The following FILIP1L variants were observed in gnomAD, a reference collection of about 807,000 sequenced individuals.
The protein encoded by FILIP1L is filamin A-interacting protein 1-like.
Under a neutral mutation model 96.6 loss-of-function variants are expected in FILIP1L, and 55 were observed. The observed-to-expected ratio is 0.57, with a 90% confidence interval of 0.46 to 0.71. The LOEUF is 0.71. Ranked by LOEUF, FILIP1L falls within the 30% of genes least tolerant of loss-of-function variation. The probability of loss-of-function intolerance (pLI) is 0.00; values close to 1 mark genes in which losing one functional copy is unlikely to be tolerated. For synonymous variants in FILIP1L, 467 were observed against 473.9 expected (o/e 0.99, Z 0.19); for missense variants, 1,304 against 1,321.2 (o/e 0.99, Z 0.20).
chr3:100,040,938 A>G (rs1272636181), intron 1 of FILIP1L: 3 of 152,198 alleles, frequency 2.0e-5, no homozygotes, highest in Non-Finnish European at 4.4e-5. Context: ...TTTAAAAAGA[A>G]AAAGGTTTTT....
intron 4 of FILIP1L, among the ~76,000 whole-genome samples, chr3:99,905,100 C>T (rs1706570519): frequency 6.6e-6 from 1 of 152,206 alleles, no homozygotes; most frequent in South Asian, 2.1e-4. Context: ...TCCAAGTTCT[C>T]TTTCTGTTTC....
rs1943632666 is a variant in FILIP1L, at chr3:99,850,574, T to C, written c.1102A>G (p.Ile368Val). ...ISKGEYGNAG[I>V]MAEVEELRKR... is the part of the protein sequence containing the mutation. ...CTGAGCTCTTCCACTTCAGCCATGA[T>C]ACCAGCGTTTCCATATTCTCCCTTA... is the stretch of plus-strand genomic sequence containing the variant. The change falls in exon 5 of 6, where the codon ATC becomes GTC. Residue 368 changes from isoleucine to valine, a missense_variant. Ile to Val is a conservative substitution (Grantham distance 29, BLOSUM62 3). Coordinates refer to ENST00000477258, the MANE Select transcript of FILIP1L (RefSeq NM_001387850.1). 6.2e-7 allele frequency: 1 copy of C among 1,613,920 alleles called. No individual in the cohort carries two copies. Among genetic ancestry groups the C allele is most frequent in the Non-Finnish European group, 8.5e-7 (1 of 1,180,038 alleles).
chr3:99,849,187 T>G lies in FILIP1L; in HGVS notation c.2489A>C (p.Glu830Ala), dbSNP rs1258673095. Residue 830 changes from glutamate to alanine, a missense_variant, in exon 5 of 6, where the codon GAG becomes GCG. By Grantham distance (107) the Glu-to-Ala change is moderately radical. Transcript: ENST00000477258. The stretch of plus-strand genomic sequence containing the variant: ...AGGGTCCTCGTCTTGATTCTCACTC[T>G]CCTCATATAACTGACCATTGATGAC... ...RAVINGQLYEESENQDEDPND... is the reference protein window; with the variant it reads ...RAVINGQLYEASENQDEDPND... 6.2e-7 allele frequency: 1 copy of G among 1,614,186 alleles called. No individual in the cohort carries two copies. Among genetic ancestry groups the G allele is most frequent in the Non-Finnish European group, 8.5e-7 (1 of 1,180,040 alleles).
chr3:99,910,401 G>C lies in FILIP1L; in HGVS notation c.605+13829C>G, dbSNP rs1246118979. 2.2e-5 allele frequency among the ~76,000 whole-genome samples: 3 copies of C among 136,114 alleles called. 1 individual carries two copies. The East Asian group carries it at 6.1e-4, about 28-fold the overall frequency. The allele number at this position is 136,114 out of a possible 152,430, so 89.3% of individuals were successfully genotyped here. ...TGGCAAGACTAATGTAACAAAAACAGGGTTCTGTGAGCTTTTAGAGGTGAA... is the reference window on the plus strand; with the variant it reads ...TGGCAAGACTAATGTAACAAAAACACGGTTCTGTGAGCTTTTAGAGGTGAA... On this transcript the variant is annotated intron_variant, in intron 4 of 5. Transcript: ENST00000477258.
intron 1 of FILIP1L, among the ~76,000 whole-genome samples, chr3:99,959,929 T>C (rs1481950165): frequency 6.6e-6 from 1 of 152,150 alleles, no homozygotes; most frequent in Admixed American, 6.5e-5. Flanking sequence ...AGGAGATGCA[T>C]TCAATGCATT....
rs911634747 is a variant in FILIP1L, at chr3:99,936,908, A to G, written c.-10-5878T>C. On this transcript the variant is annotated intron_variant, in intron 1 of 5. Transcript: ENST00000477258. ...TACTATGTCAAGTATTGTGCTACGC[A>G]ATTTTGTTTTAACTAGCTTATTTTC... 2.6e-5 allele frequency among the ~76,000 whole-genome samples: 4 copies of G among 152,180 alleles called. 1 individual carries two copies. Among genetic ancestry groups the G allele is most frequent in the Admixed American group, 2.6e-4 (4 of 15,278 alleles).
chr3:100,053,858 G>T (rs1263489505), intron 1 of FILIP1L, among the ~76,000 whole-genome samples: 2 of 152,056 alleles, frequency 1.3e-5, no homozygotes, highest in East Asian at 1.9e-4. Flanking sequence ...CTGCCCCCTG[G>T]GGCCAGATTT....
At chr3:100,017,733 G>A (rs1007250538) in intron 1 of FILIP1L, among the ~76,000 whole-genome samples, 5 of 151,596 alleles carry the variant, frequency 3.3e-5, no homozygotes, top group Non-Finnish European at 5.9e-5. Flanking sequence ...AAAACCAGCC[G>A]AGGCAACAAA....
At chr3:99,876,455 C>G (rs1028083736) in intron 4 of FILIP1L, among the ~76,000 whole-genome samples, 2 of 152,246 alleles carry the variant, frequency 1.3e-5, no homozygotes, top group African/African-American at 2.4e-5. Context: ...CAGGGTCGAT[C>G]CGCTTGTAAC....
chr3:99,897,020 A>AT (rs1004561181), intron 4 of FILIP1L, among the ~76,000 whole-genome samples: 42 of 151,744 alleles, frequency 2.8e-4, no homozygotes, highest in Non-Finnish European at 4.1e-4. Flanking sequence ...CTCAGAACAA[A>AT]TTTTTTTTTC....
At chr3:99,846,732 T>C (rs793499) in intron 5 of FILIP1L, among the ~76,000 whole-genome samples, 124,391 of 152,228 alleles carry the variant, frequency 0.82, 51,132 homozygotes, top group African/African-American at 0.91. Flanking sequence ...ATTGATTTTG[T>C]AGGGGAAAGG....
chr3:99,919,867 G>A (rs1707069313), intron 4 of FILIP1L, among the ~76,000 whole-genome samples: 2 of 152,222 alleles, frequency 1.3e-5, no homozygotes, highest in South Asian at 4.1e-4. Context: ...AACAACACTT[G>A]AAGCTGGACA....
At chr3:99,965,955 C>G (rs1708638630) in intron 1 of FILIP1L, among the ~76,000 whole-genome samples, 1 of 152,176 alleles carries the variant, frequency 6.6e-6, no homozygotes, top group African/African-American at 2.4e-5. Flanking sequence ...TCTCCACTCT[C>G]TCCCCATATG....
At chr3:100,036,230 C>T (rs1299298163) in intron 1 of FILIP1L, among the ~76,000 whole-genome samples, 1 of 152,158 alleles carries the variant, frequency 6.6e-6, no homozygotes, top group African/African-American at 2.4e-5. Flanking sequence ...ACACATGCAA[C>T]ACATAAAGCT....
At chr3:99,843,987 C>T (rs1400856377) in intron 5 of FILIP1L, among the ~76,000 whole-genome samples, 1 of 147,244 alleles carries the variant, frequency 6.8e-6, no homozygotes, top group East Asian at 2.0e-4. Context: ...CTGAAACCAT[C>T]CCCCCAACCC....
At chr3:100,090,596 C>T (rs112768880) in intron 1 of FILIP1L, among the ~76,000 whole-genome samples, 5 of 152,318 alleles carry the variant, frequency 3.3e-5, no homozygotes, top group African/African-American at 1.2e-4. Context: ...GCAACACTAG[C>T]CTCTGCCTTT....
chr3:99,946,964 G>A (rs1482820935), intron 1 of FILIP1L, among the ~76,000 whole-genome samples: 1 of 151,730 alleles, frequency 6.6e-6, no homozygotes. Flanking sequence ...GCAAAACCCC[G>A]CCTCTACTAA....
intron 5 of FILIP1L, among the ~76,000 whole-genome samples, chr3:99,844,916 GT>G (rs1474982024): frequency 1.3e-5 from 2 of 152,150 alleles, no homozygotes; most frequent in Non-Finnish European, 2.9e-5. Flanking sequence ...ATGATTGTAA[GT>G]TTCCTGAGGC....
At chr3:99,838,895 A>T (rs1576498574) in intron 5 of FILIP1L, among the ~76,000 whole-genome samples, 1 of 152,154 alleles carries the variant, frequency 6.6e-6, no homozygotes, top group South Asian at 2.1e-4. Flanking sequence ...CTGTGAAGAC[A>T]CAGAGACTCC....
Sources: allele counts gnomAD v4.1 joint callset (sites outside exome capture counted in the v4.1 genomes callset), GRCh38; gene constraint gnomAD v4.1.1; transcripts MANE v1.5; gene names NCBI Gene and HGNC (gene_info 2026-07-23, HGNC 2026-07-21).